The following TMEM266 variants were observed in gnomAD, a reference collection of about 807,000 sequenced individuals.
The protein encoded by TMEM266 is Hv1 related protein 1.
TMEM266 carries 33 observed loss-of-function variants against 50.5 expected under a neutral mutation model. The observed-to-expected ratio is 0.65, with a 90% CI of 0.50 to 0.87. The LOEUF (loss-of-function observed/expected upper bound fraction) is 0.87. TMEM266 is among the 40% of genes least tolerant of loss of function. TMEM266 has a pLI of 0.00. For missense variants in TMEM266, 655 were observed against 695.1 expected (o/e 0.94, Z 0.65); for synonymous variants, 310 against 292.3 (o/e 1.06, Z -0.62).
intron 1 of TMEM266, among the ~76,000 whole-genome samples, chr15:76,128,555 A>G (rs1052259302): frequency 1.3e-5 from 2 of 152,106 alleles, no homozygotes; most frequent in African/African-American, 4.8e-5. Flanking sequence ...GGCACTTCGG[A>G]TGTTCATTTT....
intron 1 of TMEM266, among the ~76,000 whole-genome samples, chr15:76,065,957 T>G (rs2036407978): frequency 6.6e-6 from 1 of 152,152 alleles, no homozygotes. Flanking sequence ...GAGGGAAGAA[T>G]GCCGAGGGGT....
At chr15:76,106,851 C>A (rs2037088798) in intron 1 of TMEM266, among the ~76,000 whole-genome samples, 1 of 152,172 alleles carries the variant, frequency 6.6e-6, no homozygotes, top group South Asian at 2.1e-4. Flanking sequence ...GTGTTGAGAA[C>A]ACTTAAACTC....
intron 3 of TMEM266, among the ~76,000 whole-genome samples, chr15:76,144,842 G>C (rs2037733821): frequency 1.3e-5 from 2 of 152,180 alleles, no homozygotes; most frequent in Non-Finnish European, 2.9e-5. Context: ...CTGCACCCCA[G>C]CTGAGCCGCC....
At chr15:76,078,107 A>T (rs189846397) in intron 1 of TMEM266, among the ~76,000 whole-genome samples, 1 of 152,192 alleles carries the variant, frequency 6.6e-6, no homozygotes. Flanking sequence ...AAGCCAGAGA[A>T]CTACAGATTT....
Position 76,203,785 on chromosome 15 carries a change from G to A in TMEM266, c.1066G>A (p.Ala356Thr), listed in dbSNP as rs556150508. ...AGCTGTGTGTATGGTCACCACGGCC[G>A]CAATAGACATTCACCAGCCCAACAT... Residue 356 changes from alanine to threonine, a missense_variant, in exon 11 of 11, where the codon GCA (alanine) becomes ACA (threonine). Physicochemically the swap from Ala to Thr is moderately conservative, Grantham distance 58 (BLOSUM62 0). Around this residue, in one of 3 missense-constraint regions of TMEM266, gnomAD observed 455 missense variants for 401.8 expected, o/e 1.13. Coordinates refer to ENST00000388942, the MANE Select transcript of TMEM266 (RefSeq NM_152335.3). 30 of 1,614,000 alleles carry A rather than the reference G, an allele frequency of 1.9e-5. No homozygotes were observed. The highest frequency in any genetic ancestry group is 2.3e-5 in the Non-Finnish European group (27 of 1,180,010).
chr15:76,158,579 C>T (rs560548113), intron 4 of TMEM266, among the ~76,000 whole-genome samples: 2 of 152,242 alleles, frequency 1.3e-5, no homozygotes, highest in East Asian at 3.9e-4. Flanking sequence ...TGATTTTGGT[C>T]GGAGATCCAA....
chr15:76,114,092 A>G (rs1333985231), intron 1 of TMEM266: 10 of 152,200 alleles, frequency 6.6e-5, no homozygotes, highest in Admixed American at 3.9e-4. Flanking sequence ...TTTTTACCTT[A>G]TCTACATTTT....
chr15:76,066,843 CAG>C (rs749108565), intron 1 of TMEM266, among the ~76,000 whole-genome samples: 3 of 152,108 alleles, frequency 2.0e-5, no homozygotes, highest in Non-Finnish European at 2.9e-5. Flanking sequence ...CATTCTGTAG[CAG>C]AGTTTCTCAA....
At chr15:76,180,060 C>G (rs1298818766) in intron 8 of TMEM266, among the ~76,000 whole-genome samples, 7 of 152,170 alleles carry the variant, frequency 4.6e-5, no homozygotes, top group Admixed American at 2.6e-4. Flanking sequence ...TCACCCAGCT[C>G]TTTTTAAAAA....
chr15:76,142,962 C>G (rs1260982430), intron 3 of TMEM266, among the ~76,000 whole-genome samples: 2 of 152,200 alleles, frequency 1.3e-5, no homozygotes, highest in Non-Finnish European at 2.9e-5. Context: ...TGGTTAGTCC[C>G]AAGGTGGCCA....
At chr15:76,200,689 G>A (rs368662733) in intron 9 of TMEM266, among the ~76,000 whole-genome samples, 38 of 152,310 alleles carry the variant, frequency 2.5e-4, no homozygotes, top group East Asian at 1.2e-3. Flanking sequence ...CCTCCAGCTT[G>A]CAGGGATCAG....
intron 9 of TMEM266, among the ~76,000 whole-genome samples, chr15:76,197,775 C>A (rs1027309198): frequency 3.9e-5 from 6 of 152,290 alleles, no homozygotes; most frequent in Admixed American, 2.6e-4. Flanking sequence ...GCGCCCCATG[C>A]CCCTCTGCCA....
chr15:76,195,873 G>T (rs2038647590), intron 9 of TMEM266, among the ~76,000 whole-genome samples: 1 of 152,226 alleles, frequency 6.6e-6, no homozygotes, highest in South Asian at 2.1e-4. Context: ...GTTCCACAAA[G>T]AAACCAAGCC....
intron 1 of TMEM266, among the ~76,000 whole-genome samples, chr15:76,094,051 C>T (rs1473859121): frequency 6.6e-6 from 1 of 152,122 alleles, no homozygotes; most frequent in East Asian, 1.9e-4. Context: ...AAAATTTTCT[C>T]CCATTCTGTA....
In TMEM266 at chr15:76,146,955, C is replaced by T. The variant is rs181004272; in HGVS notation, c.227+9060C>T. ...CTTCCTCACGGCAGGGATCAGATCA[C>T]TTGAGCCTGGAACAGGGGTGTTGAC... On this transcript the variant is annotated intron_variant, in intron 3 of 10. Transcript: ENST00000388942. 4.6e-5 allele frequency among the ~76,000 whole-genome samples: 7 copies of T among 152,348 alleles called. No individual in the cohort carries two copies. The East Asian group carries it at 1.3e-3, about 29-fold the overall frequency.
intron 2 of TMEM266, 127 bp from the exon 3 acceptor site, chr15:76,137,580 G>A: frequency 3.2e-6 from 3 of 940,048 alleles, no homozygotes. Flanking sequence ...CAGGGAAGAG[G>A]GGCAACCTTA....
chr15:76,125,196 A>G (rs1284751574), intron 1 of TMEM266, among the ~76,000 whole-genome samples: 1 of 152,140 alleles, frequency 6.6e-6, no homozygotes, highest in Non-Finnish European at 1.5e-5. Context: ...CCCTAGAGGA[A>G]AACATATGGT....
intron 1 of TMEM266, among the ~76,000 whole-genome samples, chr15:76,097,368 A>G (rs2036937234): frequency 6.6e-6 from 1 of 151,946 alleles, no homozygotes; most frequent in Non-Finnish European, 1.5e-5. Context: ...TCCTTCACTT[A>G]TGCAGCTTAG....
chr15:76,193,239 C>CT (rs11457977), intron 9 of TMEM266, among the ~76,000 whole-genome samples: 41,504 of 143,312 alleles, frequency 0.29, 6,163 homozygotes, highest in East Asian at 0.57. Flanking sequence ...CGAATGGTTG[C>CT]TTTTTTTTTG....
Sources: gnomAD v4.1 joint callset for allele counts (sites outside exome capture counted in the v4.1 genomes callset) on GRCh38, gnomAD v4.1.1 for gene constraint, gnomAD v4.1.1 regional missense constraint, MANE v1.5 for transcripts, NCBI Gene and HGNC (gene_info 2026-07-23, HGNC 2026-07-21) for gene names.